NCOR1: variants seen among roughly 807,000 people sequenced by gnomAD.
NCOR1 encodes the protein protein phosphatase 1, regulatory subunit 109.
A neutral mutation model predicts 288.1 loss-of-function variants in NCOR1; 63 were observed. The observed-to-expected ratio is 0.22, with a 90% CI of 0.18 to 0.27. The LOEUF (loss-of-function observed/expected upper bound fraction) is 0.27, where lower values mean the gene tolerates loss of function less well. Among genes scored for constraint, NCOR1 ranks in the 10% least tolerant of loss-of-function variants. NCOR1 has a pLI of 1.00. For missense variants in NCOR1, 2,397 were observed against 3,019.2 expected, an observed-to-expected ratio of 0.79 and a Z score of 4.83; for synonymous variants, 1,007 against 1,065.9, an observed-to-expected ratio of 0.94 and a Z score of 1.08.
At chr17:16,175,033 TATAA>T in intron 3 of NCOR1, among the ~76,000 whole-genome samples, 1 of 134,844 alleles carries the variant, frequency 7.4e-6, no homozygotes, top group African/African-American at 3.1e-5. Flanking sequence ...TAAACTGTGG[TATAA>T]AAAAAAAAAA....
chr17:16,181,366 T>A (rs1430272805), intron 3 of NCOR1, among the ~76,000 whole-genome samples: 1 of 138,016 alleles, frequency 7.2e-6, no homozygotes, highest in East Asian at 2.1e-4. Flanking sequence ...AAATATTGCA[T>A]GATCTCCCCT....
intron 26 of NCOR1, among the ~76,000 whole-genome samples, chr17:16,076,818 C>T (rs1266202671): frequency 6.6e-6 from 1 of 152,184 alleles, no homozygotes; most frequent in East Asian, 1.9e-4. Flanking sequence ...CAGTCTGAGC[C>T]ACTACAGCTT....
chr17:16,038,991 G>A (rs1389416522), intron 44 of NCOR1, among the ~76,000 whole-genome samples: 1 of 152,096 alleles, frequency 6.6e-6, no homozygotes, highest in Non-Finnish European at 1.5e-5. Context: ...GGATGGTCTC[G>A]ATCTCTTGAC....
intron 5 of NCOR1, among the ~76,000 whole-genome samples, chr17:16,160,830 C>T (rs1335719292): frequency 6.6e-6 from 1 of 151,914 alleles, no homozygotes; most frequent in Non-Finnish European, 1.5e-5. Context: ...TCAAAGCTCC[C>T]AGTACTGTAA....
In NCOR1 at chr17:16,030,354, G is replaced by A. The variant is rs913861294; in HGVS notation, c.*1942C>T. On this transcript the variant is annotated 3_prime_UTR_variant, in exon 46 of 46. Coordinates refer to ENST00000268712, the MANE Select transcript of NCOR1 (RefSeq NM_006311.4). ...AAGTGGACCCACACAGTTCAAACCC[G>A]TGTTGTTCAAGGGTCAACTGTATTC... 9 of 218,570 alleles carry A rather than the reference G, an allele frequency of 4.1e-5. No individual in the cohort carries two copies. The highest frequency in any genetic ancestry group is 1.6e-4 in the African/African-American group (7 of 44,482). 13.5% of individuals were successfully genotyped at this position (218,570 alleles called of 1,614,324 possible).
chr17:16,205,482 G>A (rs1477611425), intron 1 of NCOR1, among the ~76,000 whole-genome samples: 6 of 151,526 alleles, frequency 4.0e-5, no homozygotes, highest in Admixed American at 2.6e-4. Flanking sequence ...TTAGCCAGGC[G>A]TGGTGGCAGA....
At chr17:16,082,757 T>C (rs994300590) in intron 23 of NCOR1, among the ~76,000 whole-genome samples, 1 of 144,864 alleles carries the variant, frequency 6.9e-6, no homozygotes, top group Non-Finnish European at 1.5e-5. Flanking sequence ...ACAAGAATGA[T>C]ACTTCACCAG....
intron 3 of NCOR1, among the ~76,000 whole-genome samples, chr17:16,180,129 C>T (rs924119351): frequency 2.6e-5 from 4 of 152,012 alleles, no homozygotes; most frequent in Non-Finnish European, 4.4e-5. Flanking sequence ...GAGAAGTGAA[C>T]GGACATTTCT....
In NCOR1 at chr17:16,197,645, G is replaced by A. The variant is rs561762989; in HGVS notation, c.-70-3006C>T. On this transcript the variant is annotated intron_variant, in intron 1 of 45. Transcript: ENST00000268712. ...TTGTGGCAAAATGGGAAAAACTAAT[G>A]TTTTCTGCAATGCTTTGCAGCTTTC... Among the ~76,000 whole-genome samples the A allele has an allele frequency of 3.9e-5, 6 of 152,256 alleles. No homozygotes were observed. In the South Asian group the frequency reaches 1.0e-3, roughly 26 times the overall value.
At chr17:16,053,448 C>A (rs183690304) in intron 40 of NCOR1, among the ~76,000 whole-genome samples, 1 of 151,870 alleles carries the variant, frequency 6.6e-6, no homozygotes, top group Admixed American at 6.6e-5. Flanking sequence ...ACAACTGCCA[C>A]AAAAATAATA....
chr17:16,080,626 T>C lies in NCOR1; in HGVS notation c.3279A>G (p.Gln1093=). The C allele has an allele frequency of 1.9e-6, 3 of 1,614,178 alleles. No individual in the cohort carries two copies. The highest frequency in any genetic ancestry group is 2.5e-6 in the Non-Finnish European group (3 of 1,180,006). Residue 1093 remains glutamine, a synonymous_variant, in exon 24 of 46, where the codon CAA becomes CAG. Coordinates refer to ENST00000268712, the MANE Select transcript of NCOR1 (RefSeq NM_006311.4). ...ACTGACCTGATTTGGCAGATTCCTG[T>C]TGCCGTGGCAGTCCAAGAGAGATAG... ...VGSISLGLPR[Q]QESAKSATLP...
At chr17:16,163,789 T>C (rs1332700267) in intron 5 of NCOR1, among the ~76,000 whole-genome samples, 1 of 152,040 alleles carries the variant, frequency 6.6e-6, no homozygotes, top group Non-Finnish European at 1.5e-5. Context: ...AAACAAAACA[T>C]AGTAAACTCA....
chr17:16,034,643 T>C (rs995276684), intron 45 of NCOR1, 122 bp downstream of exon 45: 1 of 880,064 alleles, frequency 1.1e-6, no homozygotes, highest in African/African-American at 1.7e-5. Context: ...AACATATTAA[T>C]GATACAGAAA....
intron 10 of NCOR1, among the ~76,000 whole-genome samples, chr17:16,145,998 C>A (rs2153345447): frequency 6.6e-6 from 1 of 152,156 alleles, no homozygotes; most frequent in East Asian, 1.9e-4. Context: ...AACCTTACCC[C>A]CAACCCCGTG....
intron 42 of NCOR1, among the ~76,000 whole-genome samples, chr17:16,042,887 T>C (rs1434719688): frequency 6.6e-6 from 1 of 152,206 alleles, no homozygotes; most frequent in Non-Finnish European, 1.5e-5. Flanking sequence ...TAGGAAAAGC[T>C]GGGCTACAGA....
chr17:16,116,398 T>G (rs928820817), intron 18 of NCOR1, among the ~76,000 whole-genome samples: 1 of 152,224 alleles, frequency 6.6e-6, no homozygotes, highest in African/African-American at 2.4e-5. Context: ...TTACCACTGA[T>G]CTCATCAGAA....
At chr17:16,191,428 C>T (rs757884481) in intron 2 of NCOR1, among the ~76,000 whole-genome samples, 9 of 151,994 alleles carry the variant, frequency 5.9e-5, no homozygotes, top group Non-Finnish European at 1.2e-4. Context: ...ATAACAAAGG[C>T]CAGCAGTAAA....
chr17:16,081,849 C>T (rs907531980), intron 23 of NCOR1, among the ~76,000 whole-genome samples: 2 of 152,116 alleles, frequency 1.3e-5, no homozygotes, highest in Non-Finnish European at 2.9e-5. Flanking sequence ...CAACATATTC[C>T]CTAGAACCTA....
At position 16,149,535 on chromosome 17, in the gene NCOR1, G is replaced by A; in HGVS notation, c.843-18C>T. The A allele has an allele frequency of 7.5e-7, 1 of 1,328,946 alleles. No individual in the cohort carries two copies. Among genetic ancestry groups the A allele is most frequent in the Middle Eastern group, 1.9e-4 (1 of 5,314 alleles). 82.3% of individuals were successfully genotyped at this position (1,328,946 alleles called of 1,614,324 possible). On this transcript the variant is annotated intron_variant, in intron 8 of 45. Coordinates refer to ENST00000268712, the MANE Select transcript of NCOR1 (RefSeq NM_006311.4). Reference sequence around the variant, plus strand: ...CCTGGTTTCTAGAAGAGAAAAATATGGTTGCATGACATTAAGAAAAAGCAC... The same window carrying A: ...CCTGGTTTCTAGAAGAGAAAAATATAGTTGCATGACATTAAGAAAAAGCAC...
Sources: gnomAD v4.1 joint callset for allele counts (sites outside exome capture counted in the v4.1 genomes callset) on GRCh38, gnomAD v4.1.1 for gene constraint, MANE v1.5 for transcripts, NCBI Gene and HGNC (gene_info 2026-07-23, HGNC 2026-07-21) for gene names.